KCNK2: variants seen among roughly 807,000 people sequenced by gnomAD.
KCNK2 encodes the protein potassium two pore domain channel subfamily K member 2, also known as potassium channel subfamily K member 2.
A neutral mutation model predicts 40.5 loss-of-function variants in KCNK2; 21 were observed. The observed-to-expected ratio is 0.52, with a 90% CI of 0.37 to 0.75. KCNK2 has a LOEUF of 0.75. KCNK2 is among the 30% of genes least tolerant of loss of function. The pLI is 0.00. For synonymous variants in KCNK2, 191 were observed against 202.2 expected (o/e 0.94, Z 0.47); for missense variants, 399 against 531.6 (o/e 0.75, Z 2.45).
At chr1:215,007,049 G>GTGTA (rs1349337874) in intron 1 of KCNK2, among the ~76,000 whole-genome samples, 8 of 103,120 alleles carry the variant, frequency 7.8e-5, no homozygotes, top group African/African-American at 3.0e-4. Context: ...GTGTGTGTGT[G>GTGTA]TATATATATA....
intron 1 of KCNK2, among the ~76,000 whole-genome samples, chr1:215,007,186 TA>T: frequency 1.5e-4 from 1 of 6,878 alleles, no homozygotes; most frequent in South Asian, 0.014. Context: ...TGTGTGTGGG[TA>T]TATATATATA....
chr1:215,124,847 C>T (rs1227241095), intron 3 of KCNK2, 97 bp downstream of exon 3: 4 of 730,056 alleles, frequency 5.5e-6, no homozygotes, highest in Non-Finnish European at 9.8e-6. Flanking sequence ...AAATGATCTA[C>T]TTAAGGTAGA....
chr1:215,209,341 ATAT>A (rs1193913229), intron 6 of KCNK2, among the ~76,000 whole-genome samples: 4 of 91,464 alleles, frequency 4.4e-5, no homozygotes, highest in African/African-American at 1.7e-4. Flanking sequence ...TATATATATA[ATAT>A]ATATATTATA....
chr1:215,114,099 A>G (rs764726149), intron 2 of KCNK2, among the ~76,000 whole-genome samples: 1 of 152,132 alleles, frequency 6.6e-6, no homozygotes, highest in Non-Finnish European at 1.5e-5. Context: ...TCACCAACAT[A>G]AACATATTCT....
intron 2 of KCNK2, among the ~76,000 whole-genome samples, chr1:215,109,755 G>A (rs1461764235): frequency 6.6e-6 from 1 of 152,042 alleles, no homozygotes; most frequent in Non-Finnish European, 1.5e-5. Flanking sequence ...ATGCTGGACT[G>A]GATTGTATGG....
intron 1 of KCNK2, among the ~76,000 whole-genome samples, chr1:215,068,890 G>A (rs1658654395): frequency 6.6e-6 from 1 of 152,006 alleles, no homozygotes; most frequent in Non-Finnish European, 1.5e-5. Context: ...CAGCTATTTG[G>A]GGCTACAAAA....
chr1:215,016,864 A>G (rs1040277816), intron 1 of KCNK2, among the ~76,000 whole-genome samples: 2 of 152,184 alleles, frequency 1.3e-5, no homozygotes, highest in African/African-American at 4.8e-5. Context: ...AGGGGTTAAT[A>G]TCCAAAATAC....
At chr1:215,030,622 C>T (rs1290087096) in intron 1 of KCNK2, among the ~76,000 whole-genome samples, 1 of 151,856 alleles carries the variant, frequency 6.6e-6, no homozygotes. Context: ...GCAGCTTCGA[C>T]CTCCCAGGCT....
At chr1:215,183,658 TACCAGCTACCATAAATCTAA>T (rs1172984661) in intron 5 of KCNK2, among the ~76,000 whole-genome samples, 5 of 152,202 alleles carry the variant, frequency 3.3e-5, no homozygotes, top group African/African-American at 7.2e-5. Context: ...GGATCATTTT[TACCAGCTACCATAAATCTAA>T]ACCATTCTCT....
intron 1 of KCNK2, among the ~76,000 whole-genome samples, chr1:215,044,952 C>T (rs1313335994): frequency 6.6e-6 from 1 of 151,970 alleles, no homozygotes; most frequent in African/African-American, 2.4e-5. Context: ...GGGTGGATCA[C>T]GAGGTCAGGA....
intron 1 of KCNK2, among the ~76,000 whole-genome samples, chr1:215,026,626 C>A (rs1657010584): frequency 6.6e-6 from 1 of 151,958 alleles, no homozygotes; most frequent in African/African-American, 2.4e-5. Context: ...ATATATCTGC[C>A]ATCCCTATAT....
intron 3 of KCNK2, among the ~76,000 whole-genome samples, chr1:215,154,538 C>CAA (rs1662828950): frequency 6.6e-6 from 1 of 151,892 alleles, no homozygotes; most frequent in Admixed American, 6.6e-5. Context: ...GTTGCTTGTT[C>CAA]ACTCTGATGA....
chr1:215,055,592 T>C (rs1571873554), intron 1 of KCNK2, among the ~76,000 whole-genome samples: 1 of 152,366 alleles, frequency 6.6e-6, no homozygotes, highest in East Asian at 1.9e-4. Flanking sequence ...TACAGCTTCC[T>C]ATATTCTTTA....
intron 1 of KCNK2, among the ~76,000 whole-genome samples, chr1:215,006,907 C>A (rs1183562339): frequency 6.7e-6 from 1 of 148,290 alleles, no homozygotes; most frequent in African/African-American, 2.5e-5. Context: ...AAATTTCTGG[C>A]TAATTGCTAT....
intron 3 of KCNK2, among the ~76,000 whole-genome samples, chr1:215,142,901 G>A (rs1421603870): frequency 6.6e-6 from 1 of 152,066 alleles, no homozygotes; most frequent in Non-Finnish European, 1.5e-5. Context: ...ACTAAATTTA[G>A]GATGAAGGAT....
intron 6 of KCNK2, among the ~76,000 whole-genome samples, chr1:215,205,376 T>A (rs2102678165): frequency 6.6e-6 from 1 of 152,272 alleles, no homozygotes; most frequent in Non-Finnish European, 1.5e-5. Flanking sequence ...TAGCTGGGAC[T>A]ACAGGCACAC....
chr1:215,224,190 A>C (rs944485607), intron 6 of KCNK2, among the ~76,000 whole-genome samples: 1 of 152,174 alleles, frequency 6.6e-6, no homozygotes, highest in African/African-American at 2.4e-5. Flanking sequence ...CCTGGGTATT[A>C]GCTACTATTC....
chr1:215,136,368 G>T (rs1465409752), intron 3 of KCNK2, among the ~76,000 whole-genome samples: 1 of 152,090 alleles, frequency 6.6e-6, no homozygotes, highest in South Asian at 2.1e-4. Flanking sequence ...AAAGTGCTAG[G>T]ATTACAGGTG....
chr1:215,018,149 G>A (rs1452607), intron 1 of KCNK2, among the ~76,000 whole-genome samples: 33,986 of 151,928 alleles, frequency 0.22, 4,581 homozygotes, highest in South Asian at 0.5. Flanking sequence ...CCAATATAAA[G>A]GTCTAGAAAA....
Sources: allele counts gnomAD v4.1 joint callset (sites outside exome capture counted in the v4.1 genomes callset), GRCh38; gene constraint gnomAD v4.1.1; transcripts MANE v1.5; gene names NCBI Gene and HGNC (gene_info 2026-07-23, HGNC 2026-07-21).